SDK1: variants seen among roughly 807,000 people sequenced by gnomAD.
SDK1 encodes protein sidekick-1.
A neutral mutation model predicts 245.5 loss-of-function variants in SDK1; 157 were observed. The observed-to-expected ratio is 0.64, with a 90% CI of 0.56 to 0.73. The LOEUF (loss-of-function observed/expected upper bound fraction) is 0.73. Among genes scored for constraint, SDK1 ranks in the 30% least tolerant of loss-of-function variants. SDK1 has a pLI of 0.00. For missense variants in SDK1, 3,583 were observed against 3,002.3 expected (o/e 1.19, Z -4.52); for synonymous variants, 1,647 against 1,278.5 (o/e 1.29, Z -6.15).
In SDK1 at chr7:3,784,951, C is replaced by G. The variant is rs79451972; in HGVS notation, c.714-36499C>G. Reference sequence around the variant, plus strand: ...ACAGTAGCTGAGCTGTGGAATCAGCCTAAGAGTCCATCAGCAGATAACTGG... The same window carrying G: ...ACAGTAGCTGAGCTGTGGAATCAGCGTAAGAGTCCATCAGCAGATAACTGG... On this transcript the variant is annotated intron_variant, in intron 4 of 44. Transcript: ENST00000404826. 3.2e-3 allele frequency among the ~76,000 whole-genome samples: 486 copies of G among 152,266 alleles called. 2 individuals carry two copies. Among genetic ancestry groups the G allele is most frequent in the African/African-American group, 0.011 (468 of 41,544 alleles).
chr7:4,098,163 T>G (rs2128186105), intron 22 of SDK1, among the ~76,000 whole-genome samples: 1 of 152,298 alleles, frequency 6.6e-6, no homozygotes, highest in East Asian at 1.9e-4. Context: ...TTTTGTTCAT[T>G]CATCTGTCAG....
chr7:3,589,811 G>A (rs564930059), intron 1 of SDK1, among the ~76,000 whole-genome samples: 6 of 152,318 alleles, frequency 3.9e-5, no homozygotes, highest in African/African-American at 1.4e-4. Flanking sequence ...AATTCAAGAT[G>A]AGATTTGGGT....
At chr7:3,593,669 A>T (rs571422086) in intron 1 of SDK1, among the ~76,000 whole-genome samples, 3 of 152,136 alleles carry the variant, frequency 2.0e-5, no homozygotes, top group Non-Finnish European at 4.4e-5. Flanking sequence ...CAACTGATGG[A>T]TGATTCCCCT....
chr7:3,650,064 AATAGAG>A (rs1347179434), intron 4 of SDK1, among the ~76,000 whole-genome samples: 3 of 152,006 alleles, frequency 2.0e-5, no homozygotes, highest in Non-Finnish European at 2.9e-5. Flanking sequence ...GTTTAAAAAA[AATAGAG>A]ATAGGGTCTC....
chr7:3,500,036 T>G (rs1231130271), intron 1 of SDK1, among the ~76,000 whole-genome samples: 2 of 151,918 alleles, frequency 1.3e-5, no homozygotes, highest in African/African-American at 4.8e-5. Context: ...GCCATAGGAG[T>G]CCTGGTCAGG....
At chr7:3,625,245 C>G (rs1328331894) in intron 2 of SDK1, among the ~76,000 whole-genome samples, 1 of 152,070 alleles carries the variant, frequency 6.6e-6, no homozygotes, top group Admixed American at 6.6e-5. Context: ...AGTACAAAAG[C>G]ATTGAGAAAC....
At chr7:3,345,157 T>C (rs1477032882) in intron 1 of SDK1, among the ~76,000 whole-genome samples, 1 of 152,224 alleles carries the variant, frequency 6.6e-6, no homozygotes, top group Non-Finnish European at 1.5e-5. Flanking sequence ...GGGCATGTTA[T>C]TAGGAACTGC....
chr7:3,629,416 A>G (rs1453919396), intron 2 of SDK1, among the ~76,000 whole-genome samples: 2 of 152,340 alleles, frequency 1.3e-5, no homozygotes, highest in Non-Finnish European at 1.5e-5. Context: ...CAGCACATTC[A>G]TGTGAGAAAA....
chr7:3,422,445 GA>G (rs1779558360), intron 1 of SDK1, among the ~76,000 whole-genome samples: 1 of 152,158 alleles, frequency 6.6e-6, no homozygotes, highest in Non-Finnish European at 1.5e-5. Flanking sequence ...TCATTGACAT[GA>G]AAAATACTAT....
chr7:3,987,766 C>CT (rs1783982787), intron 14 of SDK1, among the ~76,000 whole-genome samples: 1 of 152,204 alleles, frequency 6.6e-6, no homozygotes, highest in Admixed American at 6.5e-5. Context: ...CAGGACCCCT[C>CT]TGCCCATTTA....
At chr7:3,899,647 T>C (rs2128104812) in intron 5 of SDK1, among the ~76,000 whole-genome samples, 1 of 152,248 alleles carries the variant, frequency 6.6e-6, no homozygotes, top group East Asian at 1.9e-4. Context: ...CTCAGCCAGG[T>C]CCAAGCTGCA....
chr7:3,847,666 T>C (rs568295720), intron 5 of SDK1, among the ~76,000 whole-genome samples: 1 of 152,378 alleles, frequency 6.6e-6, no homozygotes, highest in East Asian at 1.9e-4. Context: ...AAGGAATTTT[T>C]GAAAGCCGTG....
At chr7:3,838,476 C>T (rs1382434065) in intron 5 of SDK1, among the ~76,000 whole-genome samples, 2 of 152,196 alleles carry the variant, frequency 1.3e-5, no homozygotes, top group African/African-American at 2.4e-5. Context: ...GTCATCCTGG[C>T]AAAGGGGAGC....
chr7:3,920,817 A>C (rs1779560246), intron 5 of SDK1, among the ~76,000 whole-genome samples: 1 of 152,182 alleles, frequency 6.6e-6, no homozygotes, highest in Admixed American at 6.5e-5. Flanking sequence ...TGGGACATAA[A>C]GTGACTGCTC....
At chr7:3,598,456 G>C (rs187009467) in intron 1 of SDK1, among the ~76,000 whole-genome samples, 8 of 152,180 alleles carry the variant, frequency 5.3e-5, no homozygotes, top group African/African-American at 1.7e-4. Flanking sequence ...AATACACAGA[G>C]ATCCCGTGTA....
At chr7:3,807,104 A>G (rs565751632) in intron 4 of SDK1, among the ~76,000 whole-genome samples, 30 of 152,286 alleles carry the variant, frequency 2.0e-4, no homozygotes, top group Admixed American at 3.3e-4. Context: ...TTACCTGGGA[A>G]AGTCCAAAGT....
intron 4 of SDK1, among the ~76,000 whole-genome samples, chr7:3,681,039 T>A (rs1784083640): frequency 6.6e-6 from 1 of 152,142 alleles, no homozygotes; most frequent in African/African-American, 2.4e-5. Flanking sequence ...GAGATGGGGT[T>A]TCGCCATGTT....
intron 25 of SDK1, among the ~76,000 whole-genome samples, chr7:4,120,727 C>T (rs1207392739): frequency 6.6e-6 from 1 of 152,016 alleles, no homozygotes; most frequent in Admixed American, 6.5e-5. Flanking sequence ...AGCGATTCTC[C>T]TGCCTTAGCC....
intron 1 of SDK1, among the ~76,000 whole-genome samples, chr7:3,391,024 T>G (rs1388725307): frequency 1.3e-5 from 2 of 152,208 alleles, no homozygotes; most frequent in African/African-American, 4.8e-5. Flanking sequence ...TTTGGAGTTC[T>G]GGAAGTTTGT....
Sources: gnomAD v4.1 joint callset for allele counts (sites outside exome capture counted in the v4.1 genomes callset) on GRCh38, gnomAD v4.1.1 for gene constraint, MANE v1.5 for transcripts, NCBI Gene and HGNC (gene_info 2026-07-23, HGNC 2026-07-21) for gene names.